Variants in RGS18 observed in about 807,000 individuals in gnomAD.
RGS18 encodes the protein regulator of G-protein signaling 18.
In RGS18, 22 loss-of-function variants were observed where a neutral mutation model predicts 27.6. The ratio of observed to expected loss-of-function variants is 0.80; its 90% CI spans 0.57 to 1.14. RGS18 has a LOEUF of 1.14. RGS18 is among the 50% of genes most tolerant of loss of function. The pLI is 0.00. For missense variants in RGS18, 299 were observed against 269.6 expected, an observed-to-expected ratio of 1.11 and a Z score of -0.76; for synonymous variants, 89 against 84.6, an observed-to-expected ratio of 1.05 and a Z score of -0.29.
chr1:192,168,412 A>G (rs1341332199), intron 3 of RGS18: 1 of 152,172 alleles, frequency 6.6e-6, no homozygotes, highest in Non-Finnish European at 1.5e-5. Context: ...CATCATGAGC[A>G]CTCAGAACAT....
chr1:192,172,030 G>T (rs138519077), intron 3 of RGS18, among the ~76,000 whole-genome samples: 33 of 152,102 alleles, frequency 2.2e-4, no homozygotes, highest in Non-Finnish European at 4.4e-5. Context: ...TGCTCATTTG[G>T]ATTGCTGGCA....
intron 3 of RGS18, chr1:192,169,276 A>T (rs1656215753): frequency 6.6e-6 from 1 of 152,136 alleles, no homozygotes; most frequent in African/African-American, 2.4e-5. Flanking sequence ...TTAAAAACTG[A>T]TCAATCCACG....
chr1:192,160,998 C>T (rs570986439), intron 3 of RGS18, among the ~76,000 whole-genome samples: 18 of 152,176 alleles, frequency 1.2e-4, no homozygotes, highest in Admixed American at 7.8e-4. Flanking sequence ...TACAGGCTCC[C>T]GCCACCACGC....
At position 192,184,350 on chromosome 1, in the gene RGS18, T is replaced by C. The variant is rs1264685156; in HGVS notation, c.504T>C (p.Pro168=). 1 of 1,611,482 alleles carries C rather than the reference T, an allele frequency of 6.2e-7. No individual in the cohort carries two copies. ...KEVITNSITQ[P]TLHSFDAAQS... is the part of the protein sequence containing the mutation. ...TCATTACAAACAGCATCACTCAACC[T>C]ACCCTCCACAGTTTTGATGCTGCAC... Residue 168 remains proline (P), a synonymous_variant, in exon 5 of 5, where the codon CCT becomes CCC. Transcript: ENST00000367460.
At chr1:192,182,757 C>CT (rs1656478049) in intron 4 of RGS18, among the ~76,000 whole-genome samples, 2 of 151,538 alleles carry the variant, frequency 1.3e-5, no homozygotes, top group Admixed American at 6.6e-5. Flanking sequence ...ATATTAATCA[C>CT]TTTCGCACAA....
rs1571397058 is a variant in RGS18 at position 192,185,783 on chromosome 1, TAA to T, written c.*1230_*1231del. On this transcript the variant is annotated 3_prime_UTR_variant, in exon 5 of 5. Coordinates refer to ENST00000367460, the MANE Select transcript of RGS18 (RefSeq NM_130782.3). ...ATATTTTTAACTTCATTCATACAGT[TAA>T]GTTTATCTGACAATAAAAGCTCTGA... 3 of 151,754 alleles carry T rather than the reference TAA, an allele frequency of 2.0e-5. No individual in the cohort carries two copies. The highest frequency in any genetic ancestry group is 1.9e-4 in the East Asian group (1 of 5,140). 9.4% of individuals were successfully genotyped at this position (151,754 alleles called of 1,614,324 possible). A position where few individuals can be genotyped will look rare whatever the true frequency, so the allele number is the denominator to read the frequency against.
chr1:192,181,201 G>A (rs1656446141), intron 3 of RGS18, 91 bp from the exon 4 acceptor site: 2 of 705,334 alleles, frequency 2.8e-6, no homozygotes. Context: ...TAGGTTTTCT[G>A]TTAATATTTG....
At chr1:192,176,929 C>T (rs1218501829) in intron 3 of RGS18, among the ~76,000 whole-genome samples, 1 of 151,806 alleles carries the variant, frequency 6.6e-6, no homozygotes, top group East Asian at 1.9e-4. Context: ...TCTAGCTTCA[C>T]ACGTTCTCAA....
At chr1:192,164,337 C>T (rs1164001844) in intron 3 of RGS18, among the ~76,000 whole-genome samples, 2 of 151,954 alleles carry the variant, frequency 1.3e-5, no homozygotes, top group Admixed American at 6.6e-5. Flanking sequence ...TTGAAAAATA[C>T]AATTTGAAAA....
intron 3 of RGS18, among the ~76,000 whole-genome samples, chr1:192,176,852 A>T (rs1656367296): frequency 6.6e-6 from 1 of 151,830 alleles, no homozygotes; most frequent in Non-Finnish European, 1.5e-5. Flanking sequence ...TCCAACAGAG[A>T]GCAGTGTACC....
chr1:192,184,525 G>T lies in RGS18; in HGVS notation c.679G>T (p.Val227Leu). ...RSFTCNEFQD[V>L]QSDVAIWL ...ATTTACCTGCAATGAATTCCAAGAT[G>T]TACAATCAGATGTTGCCATTTGGTT... Residue 227 changes from valine (V) to leucine (L), a missense_variant, in exon 5 of 5, where the codon GTA becomes TTA. Physicochemically the swap from Val to Leu is conservative, Grantham distance 32 (BLOSUM62 1). Transcript: ENST00000367460. 1.9e-6 allele frequency: 3 copies of T among 1,611,232 alleles called. No homozygotes were observed. In the South Asian group the frequency reaches 3.3e-5, roughly 18 times the overall value.
Position 192,184,878 on chromosome 1 carries a change from A to T in RGS18, c.*324A>T, listed in dbSNP as rs554021030. On this transcript the variant is annotated 3_prime_UTR_variant, in exon 5 of 5. Coordinates refer to ENST00000367460, the MANE Select transcript of RGS18 (RefSeq NM_130782.3). ...GTTAAGCTTTTGCAAAGTTGTCAAAAGTTCAAACAAAAGTCTAGTTGGGAT... is the reference window on the plus strand; with the variant it reads ...GTTAAGCTTTTGCAAAGTTGTCAAATGTTCAAACAAAAGTCTAGTTGGGAT... The T allele has an allele frequency of 2.5e-5, 6 of 235,722 alleles. No homozygotes were observed. The South Asian group carries it at 4.4e-4, about 17-fold the overall frequency. The allele number at this position is 235,722 out of a possible 1,614,324, so 14.6% of individuals were successfully genotyped here.
chr1:192,172,143 C>A (rs973467725), intron 3 of RGS18, among the ~76,000 whole-genome samples: 1 of 151,996 alleles, frequency 6.6e-6, no homozygotes, highest in Non-Finnish European at 1.5e-5. Flanking sequence ...TTTGTTTCTC[C>A]CCTCACCCCA....
intron 4 of RGS18, among the ~76,000 whole-genome samples, chr1:192,182,582 G>A (rs1656475829): frequency 6.6e-6 from 1 of 151,444 alleles, no homozygotes; most frequent in East Asian, 2.0e-4. Context: ...GATGTTGCTG[G>A]AGGGAAGATA....
intron 3 of RGS18, among the ~76,000 whole-genome samples, chr1:192,164,773 A>G (rs1656135065): frequency 6.6e-6 from 1 of 152,172 alleles, no homozygotes; most frequent in South Asian, 2.1e-4. Context: ...TCACTTCCCC[A>G]ATCAATACTC....
intron 3 of RGS18, among the ~76,000 whole-genome samples, chr1:192,172,234 G>A (rs755899545): frequency 6.6e-6 from 1 of 152,046 alleles, no homozygotes. Context: ...CATGGGAGAA[G>A]TTCCCCCAGG....
chr1:192,177,849 CAT>C (rs1437305586), intron 3 of RGS18, among the ~76,000 whole-genome samples: 4 of 151,602 alleles, frequency 2.6e-5, no homozygotes, highest in Non-Finnish European at 5.9e-5. Context: ...AGTGTAAAAA[CAT>C]AGTAGGAAGA....
intron 3 of RGS18, among the ~76,000 whole-genome samples, chr1:192,174,659 G>A (rs1325259049): frequency 1.3e-5 from 2 of 151,758 alleles, no homozygotes; most frequent in African/African-American, 4.8e-5. Context: ...ATTACAAAAC[G>A]GAAATACTCT....
At chr1:192,164,911 G>T (rs1656137134) in intron 3 of RGS18, among the ~76,000 whole-genome samples, 1 of 152,194 alleles carries the variant, frequency 6.6e-6, no homozygotes. Flanking sequence ...TAAAGCATGT[G>T]TGTTTGAACG....
Sources: allele counts gnomAD v4.1 joint callset (sites outside exome capture counted in the v4.1 genomes callset), GRCh38; gene constraint gnomAD v4.1.1; transcripts MANE v1.5; gene names NCBI Gene and HGNC (gene_info 2026-07-23, HGNC 2026-07-21).